TRPC4: variants seen among roughly 807,000 people sequenced by gnomAD.
TRPC4 encodes short transient receptor potential channel 4.
A neutral mutation model predicts 99.4 loss-of-function variants in TRPC4; 49 were observed. That is an observed-to-expected ratio of 0.49 (90% confidence interval 0.39 to 0.63). The LOEUF (loss-of-function observed/expected upper bound fraction) is 0.63, where lower values mean the gene tolerates loss of function less well. Ranked by LOEUF, TRPC4 falls within the 20% of genes least tolerant of loss-of-function variation. TRPC4 has a pLI of 0.00. For synonymous variants in TRPC4, 454 were observed against 425.9 expected, an observed-to-expected ratio of 1.07 and a Z score of -0.81; for missense variants, 898 against 1,152.9, an observed-to-expected ratio of 0.78 and a Z score of 3.20.
Position 37,655,242 on chromosome 13 carries a change from C to A in TRPC4, c.1730G>T (p.Gly577Val). 2 of 1,600,406 alleles carry A rather than the reference C, an allele frequency of 1.2e-6. No homozygotes were observed. The highest frequency in any genetic ancestry group is 1.7e-6 in the Non-Finnish European group (2 of 1,172,684). The change falls in exon 7 of 11, where the codon GGG becomes GTG. Residue 577 changes from glycine to valine, a missense_variant. Physicochemically the swap from Gly to Val is moderately radical, Grantham distance 109. This residue lies in a region of TRPC4 where 274 missense variants were observed against 454.9 expected (regional missense o/e 0.60). Coordinates refer to ENST00000379705, the MANE Select transcript of TRPC4 (RefSeq NM_016179.4). ...TLQSLFWSIF[G>V]LINLYVTNVK... ...ATTGGTCACATATAAATTGATGAGC[C>A]CAAATATTGACCAAAACAGGGACTG...
At chr13:37,710,426 T>A (rs908253610) in intron 3 of TRPC4, among the ~76,000 whole-genome samples, 1 of 151,926 alleles carries the variant, frequency 6.6e-6, no homozygotes, top group South Asian at 2.1e-4. Context: ...TAAAAAGAGT[T>A]GTTTATTTAA....
At chr13:37,674,183 A>G in intron 5 of TRPC4, 45 bp downstream of exon 5, 2 of 1,482,392 alleles carry the variant, frequency 1.3e-6, no homozygotes, top group South Asian at 1.4e-5. Context: ...GTATATCATT[A>G]ATAATCAGAA....
intron 1 of TRPC4, among the ~76,000 whole-genome samples, chr13:37,796,397 G>A (rs1957246188): frequency 6.6e-6 from 1 of 152,134 alleles, no homozygotes; most frequent in Non-Finnish European, 1.5e-5. Flanking sequence ...TTGTAAATAT[G>A]TTCGCTACCT....
chr13:37,663,309 G>A, intron 6 of TRPC4, 107 bp downstream of exon 6: 1 of 1,080,484 alleles, frequency 9.3e-7, no homozygotes, highest in Non-Finnish European at 1.3e-6. Flanking sequence ...CACAATTTTA[G>A]TTCCCCATTT....
At chr13:37,691,330 T>C (rs1015382164) in intron 4 of TRPC4, among the ~76,000 whole-genome samples, 12 of 152,090 alleles carry the variant, frequency 7.9e-5, no homozygotes, top group African/African-American at 2.9e-4. Flanking sequence ...GGCTACGATC[T>C]CCTGACCTCG....
At chr13:37,649,006 ATTT>A (rs11345629) in intron 8 of TRPC4, among the ~76,000 whole-genome samples, 1 of 149,624 alleles carries the variant, frequency 6.7e-6, no homozygotes. Flanking sequence ...GTGAGTAGGT[ATTT>A]TTTTTTTTTG....
chr13:37,801,013 G>T (rs75054315), intron 1 of TRPC4, among the ~76,000 whole-genome samples: 1,640 of 151,890 alleles, frequency 0.011, 21 homozygotes, highest in African/African-American at 0.038. Context: ...CAATTGTAAG[G>T]CATTAATTTT....
intron 8 of TRPC4, among the ~76,000 whole-genome samples, chr13:37,649,504 G>A (rs1167137143): frequency 3.3e-5 from 5 of 151,922 alleles, no homozygotes; most frequent in African/African-American, 9.7e-5. Flanking sequence ...GGAGGCTGAG[G>A]TGGGCAGATT....
At chr13:37,670,784 A>C (rs1952812376) in intron 5 of TRPC4, among the ~76,000 whole-genome samples, 1 of 152,140 alleles carries the variant, frequency 6.6e-6, no homozygotes, top group Non-Finnish European at 1.5e-5. Flanking sequence ...CTCCCTGCCC[A>C]CATTTTTAGG....
chr13:37,750,282 T>G (rs1264368415), intron 2 of TRPC4, among the ~76,000 whole-genome samples: 1 of 152,150 alleles, frequency 6.6e-6, no homozygotes, highest in South Asian at 2.1e-4. Flanking sequence ...TATGAAGATT[T>G]TATTTCTGTT....
intron 5 of TRPC4, among the ~76,000 whole-genome samples, chr13:37,665,657 G>A (rs1454008333): frequency 1.3e-5 from 2 of 152,122 alleles, no homozygotes; most frequent in South Asian, 2.1e-4. Flanking sequence ...TAGGAATGGT[G>A]AGAGATGATG....
At chr13:37,675,231 A>G (rs928030877) in intron 4 of TRPC4, among the ~76,000 whole-genome samples, 6 of 152,228 alleles carry the variant, frequency 3.9e-5, no homozygotes, top group Non-Finnish European at 8.8e-5. Context: ...CACTGACTCA[A>G]GAAAAAGTGA....
At chr13:37,663,181 C>A (rs568424014) in intron 6 of TRPC4, among the ~76,000 whole-genome samples, 9 of 152,264 alleles carry the variant, frequency 5.9e-5, no homozygotes, top group African/African-American at 2.2e-4. Context: ...TTCATGAAGT[C>A]ATTTAGAAGA....
intron 10 of TRPC4, among the ~76,000 whole-genome samples, chr13:37,637,989 A>G (rs1319606155): frequency 6.6e-6 from 1 of 152,090 alleles, no homozygotes; most frequent in Non-Finnish European, 1.5e-5. Context: ...ATTTTATAAG[A>G]TTTTTAATAT....
At chr13:37,796,364 A>T (rs779144862) in intron 1 of TRPC4, among the ~76,000 whole-genome samples, 1 of 152,172 alleles carries the variant, frequency 6.6e-6, no homozygotes, top group Non-Finnish European at 1.5e-5. Flanking sequence ...AGGTTAATTT[A>T]TTTGACGAAG....
At chr13:37,852,911 T>G (rs1959095055) in intron 1 of TRPC4, among the ~76,000 whole-genome samples, 1 of 152,088 alleles carries the variant, frequency 6.6e-6, no homozygotes, top group Admixed American at 6.5e-5. Flanking sequence ...GGGAAGGACT[T>G]CCTATTGTGG....
chr13:37,638,221 G>GCTTCCTGCCC (rs372566086), intron 10 of TRPC4, among the ~76,000 whole-genome samples: 115,989 of 151,664 alleles, frequency 0.76, 44,661 homozygotes, highest in East Asian at 0.93. Context: ...TACCCTGATG[G>GCTTCCTGCCC]CAACCTTCTT....
At position 37,655,302 on chromosome 13, in the gene TRPC4, G is replaced by C; in HGVS notation, c.1689-19C>G. 1 of 1,443,032 alleles carries C rather than the reference G, an allele frequency of 6.9e-7. No individual in the cohort carries two copies. The allele number at this position is 1,443,032 out of a possible 1,614,324, so 89.4% of individuals were successfully genotyped here. A position where few individuals can be genotyped will look rare whatever the true frequency, so the allele number is the denominator to read the frequency against. On this transcript the variant is annotated intron_variant, in intron 6 of 10. Coordinates refer to ENST00000379705, the MANE Select transcript of TRPC4 (RefSeq NM_016179.4). Reference sequence around the variant, plus strand: ...AAATAACCTGTAATAAAGATAAAATGATACTAATAGCTATATTAATGGAAT... The same window carrying C: ...AAATAACCTGTAATAAAGATAAAATCATACTAATAGCTATATTAATGGAAT...
At chr13:37,867,707 T>C (rs143298074) in intron 1 of TRPC4, among the ~76,000 whole-genome samples, 235 of 152,192 alleles carry the variant, frequency 1.5e-3, no homozygotes, top group African/African-American at 5.4e-3. Context: ...CAACATCTAG[T>C]TCACAAAAAT....
Sources: gnomAD v4.1 joint callset for allele counts (sites outside exome capture counted in the v4.1 genomes callset) on GRCh38, gnomAD v4.1.1 for gene constraint, gnomAD v4.1.1 regional missense constraint, MANE v1.5 for transcripts, NCBI Gene and HGNC (gene_info 2026-07-23, HGNC 2026-07-21) for gene names.